Variants in RASAL2 observed in about 807,000 individuals in gnomAD.
The protein encoded by RASAL2 is RAS protein activator like 2, also known as ras GTPase-activating protein nGAP.
A neutral mutation model predicts 128.9 loss-of-function variants in RASAL2; 58 were observed. The observed-to-expected ratio is 0.45, with a 90% confidence interval of 0.36 to 0.56. The LOEUF (loss-of-function observed/expected upper bound fraction) is 0.56. Among genes scored for constraint, RASAL2 ranks in the 20% least tolerant of loss-of-function variants. The pLI, the probability that RASAL2 is intolerant of heterozygous loss-of-function variation, is 0.00. For missense variants in RASAL2, 1,360 were observed against 1,601.6 expected (o/e 0.85, Z 2.57); for synonymous variants, 561 against 580.8 (o/e 0.97, Z 0.49).
At chr1:178,187,507 G>T (rs1409701105) in intron 1 of RASAL2, among the ~76,000 whole-genome samples, 1 of 151,998 alleles carries the variant, frequency 6.6e-6, no homozygotes, top group Admixed American at 6.6e-5. Context: ...CCTACTGACT[G>T]ATTTTCTTTT....
At chr1:178,454,343 C>T in intron 11 of RASAL2, 104 bp from the exon 12 acceptor site, 1 of 875,318 alleles carries the variant, frequency 1.1e-6, no homozygotes, top group South Asian at 1.8e-5. Flanking sequence ...TTAGTCATTC[C>T]CTCCACAAAA....
Position 178,478,238 on chromosome 1 carries a change from A to C in RASAL2, c.*4999A>C, listed in dbSNP as rs1442735648. On this transcript the variant is annotated 3_prime_UTR_variant, in exon 18 of 18. Transcript: ENST00000367649. ...CAGAAGTTGTGTTTTAGGGACCTCC[A>C]TCATCTTTGTGGGGGTACAGATATT... 1 of 152,078 alleles carries C rather than the reference A, an allele frequency of 6.6e-6. No homozygotes were observed. Among genetic ancestry groups the C allele is most frequent in the Non-Finnish European group, 1.5e-5 (1 of 68,018 alleles). 9.4% of individuals were successfully genotyped at this position (152,078 alleles called of 1,614,324 possible).
chr1:178,433,370 G>A (rs568064912), intron 5 of RASAL2, among the ~76,000 whole-genome samples: 2 of 151,866 alleles, frequency 1.3e-5, no homozygotes, highest in African/African-American at 2.4e-5. Flanking sequence ...ATCCTTTTTC[G>A]TAAGTCTTGT....
chr1:178,173,787 A>C (rs1661786888), intron 1 of RASAL2, among the ~76,000 whole-genome samples: 1 of 152,056 alleles, frequency 6.6e-6, no homozygotes, highest in Non-Finnish European at 1.5e-5. Flanking sequence ...TGTGGCATTA[A>C]AGTGCAGAAG....
chr1:178,217,448 C>T (rs1037012166), intron 1 of RASAL2, among the ~76,000 whole-genome samples: 1 of 152,144 alleles, frequency 6.6e-6, no homozygotes. Context: ...ATCATCACCA[C>T]CCAAAGTTCA....
At chr1:178,118,090 G>A (rs1659578926) in intron 1 of RASAL2, among the ~76,000 whole-genome samples, 1 of 151,812 alleles carries the variant, frequency 6.6e-6, no homozygotes, top group Non-Finnish European at 1.5e-5. Flanking sequence ...CTTGAACCCG[G>A]GAGGTGGAGG....
At chr1:178,273,307 T>C (rs1666347248) in intron 1 of RASAL2, among the ~76,000 whole-genome samples, 2 of 152,232 alleles carry the variant, frequency 1.3e-5, no homozygotes, top group Non-Finnish European at 2.9e-5. Flanking sequence ...TTGTACTGTG[T>C]GTATGACTTT....
At chr1:178,302,752 G>A (rs932266908) in intron 3 of RASAL2, among the ~76,000 whole-genome samples, 3 of 152,086 alleles carry the variant, frequency 2.0e-5, no homozygotes, top group African/African-American at 4.8e-5. Flanking sequence ...TGTTTAAAAA[G>A]TATAATAGGC....
intron 17 of RASAL2, chr1:178,470,693 G>A (rs769488225): frequency 2.9e-6 from 4 of 1,365,546 alleles, no homozygotes; most frequent in African/African-American, 1.5e-5. Context: ...TAAATTACAG[G>A]TCATAAATGG....
At chr1:178,160,305 G>C (rs1365260496) in intron 1 of RASAL2, among the ~76,000 whole-genome samples, 1 of 152,162 alleles carries the variant, frequency 6.6e-6, no homozygotes, top group African/African-American at 2.4e-5. Flanking sequence ...ATGAGATTAA[G>C]ATCAGGTTGG....
intron 1 of RASAL2, among the ~76,000 whole-genome samples, chr1:178,150,884 A>C (rs1204911192): frequency 6.6e-6 from 1 of 152,144 alleles, no homozygotes; most frequent in Non-Finnish European, 1.5e-5. Context: ...GTAAATAAGC[A>C]TCCTTTTTGC....
intron 2 of RASAL2, among the ~76,000 whole-genome samples, chr1:178,286,699 A>G (rs1230034148): frequency 6.6e-6 from 1 of 152,234 alleles, no homozygotes; most frequent in African/African-American, 2.4e-5. Flanking sequence ...GGCGTGGGCC[A>G]CCGTGCCCGG....
chr1:178,179,974 A>G (rs1468810667), intron 1 of RASAL2, among the ~76,000 whole-genome samples: 1 of 152,212 alleles, frequency 6.6e-6, no homozygotes, highest in Non-Finnish European at 1.5e-5. Flanking sequence ...GTTGTTATAA[A>G]TAACAAGGGG....
chr1:178,108,083 A>C (rs1046118004), intron 1 of RASAL2, among the ~76,000 whole-genome samples: 1 of 152,182 alleles, frequency 6.6e-6, no homozygotes, highest in African/African-American at 2.4e-5. Context: ...GCAATGCACG[A>C]GGGTTCCAGT....
At chr1:178,111,931 G>A (rs1216217086) in intron 1 of RASAL2, among the ~76,000 whole-genome samples, 1 of 152,066 alleles carries the variant, frequency 6.6e-6, no homozygotes, top group African/African-American at 2.4e-5. Context: ...GTTTCACCAT[G>A]TTGGCCAGGC....
rs1662424970 is a variant in RASAL2 at position 178,189,726 on chromosome 1, A to T, written c.203-93838A>T. On this transcript the variant is annotated intron_variant, in intron 1 of 17. Coordinates refer to ENST00000367649, the MANE Select transcript of RASAL2 (RefSeq NM_170692.4). ...TGTATACATCCCTGGGAGTACAAAGATAATCCTCTGGGGTTCAGGATAAAA... is the reference window on the plus strand; with the variant it reads ...TGTATACATCCCTGGGAGTACAAAGTTAATCCTCTGGGGTTCAGGATAAAA... Among the ~76,000 whole-genome samples, 4 of 152,318 alleles carry T rather than the reference A, an allele frequency of 2.6e-5. No individual in the cohort carries two copies. The South Asian group carries it at 8.3e-4, about 32-fold the overall frequency.
At chr1:178,459,926 T>C (rs1297968822) in intron 14 of RASAL2, among the ~76,000 whole-genome samples, 1 of 152,200 alleles carries the variant, frequency 6.6e-6, no homozygotes, top group African/African-American at 2.4e-5. Context: ...TATGTATTTT[T>C]TATATATAAA....
At chr1:178,201,675 A>G (rs1662877288) in intron 1 of RASAL2, among the ~76,000 whole-genome samples, 1 of 152,252 alleles carries the variant, frequency 6.6e-6, no homozygotes, top group Non-Finnish European at 1.5e-5. Context: ...AATGGACAGC[A>G]GAGGCAAAGC....
At chr1:178,376,148 A>G (rs1010543580) in intron 3 of RASAL2, among the ~76,000 whole-genome samples, 9 of 152,140 alleles carry the variant, frequency 5.9e-5, no homozygotes, top group Non-Finnish European at 1.2e-4. Context: ...AAGGTTAACA[A>G]TGTGGTCAGT....
Sources: gnomAD v4.1 joint callset for allele counts (sites outside exome capture counted in the v4.1 genomes callset) on GRCh38, gnomAD v4.1.1 for gene constraint, MANE v1.5 for transcripts, NCBI Gene and HGNC (gene_info 2026-07-23, HGNC 2026-07-21) for gene names.